The following CFAP92 variants were observed in gnomAD, a reference collection of about 807,000 sequenced individuals.
CFAP92 encodes the protein cilia and flagella associated protein 92 (putative), also known as uncharacterized protein CFAP92.
CFAP92 carries 86 observed loss-of-function variants against 106.3 expected under a neutral mutation model. The observed-to-expected ratio is 0.81, with a 90% CI of 0.68 to 0.97. CFAP92 has a LOEUF of 0.97. CFAP92 is among the 50% of genes least tolerant of loss of function. The pLI, the probability that CFAP92 is intolerant of heterozygous loss-of-function variation, is 0.00. For synonymous variants in CFAP92, 477 were observed against 506.4 expected (o/e 0.94, Z 0.78); for missense variants, 1,204 against 1,283.8 (o/e 0.94, Z 0.95).
intron 9 of CFAP92, among the ~76,000 whole-genome samples, chr3:128,959,085 C>A (rs562840417): frequency 6.6e-6 from 1 of 152,202 alleles, no homozygotes; most frequent in South Asian, 2.1e-4. Context: ...TGGCAAATGC[C>A]TGTAATCCCA....
intron 1 of CFAP92, chr3:129,002,319 C>A: frequency 6.6e-7 from 1 of 1,518,200 alleles, no homozygotes; most frequent in Non-Finnish European, 8.8e-7. Flanking sequence ...CTGCCTAGCA[C>A]TGCAGGTGCG....
chr3:128,945,149 T>C lies in CFAP92; in HGVS notation c.2180A>G (p.Asp727Gly). 1 of 1,536,098 alleles carries C rather than the reference T, an allele frequency of 6.5e-7. No homozygotes were observed. The highest frequency in any genetic ancestry group is 1.2e-5 in the South Asian group (1 of 84,058). The part of the protein sequence containing the change: ...LDVLTGFHLL[D>G]GKTHLFILEG... ...CAGGATGAAAAGGTGTGTCTTCCCG[T>C]CCAGCAGGTGGAAGCCAGTGAGCAC... The change falls in exon 10 of 16, where the codon GAC (aspartate) becomes GGC (glycine). Residue 727 changes from aspartate to glycine, a missense_variant. Transcript: ENST00000645291.
At chr3:128,982,249 C>T (rs143119837) in intron 4 of CFAP92, among the ~76,000 whole-genome samples, 1 of 152,234 alleles carries the variant, frequency 6.6e-6, no homozygotes. Flanking sequence ...GCAGCTTCTC[C>T]GTCAGCACTT....
intron 10 of CFAP92, among the ~76,000 whole-genome samples, chr3:128,935,935 T>C (rs989362200): frequency 3.3e-5 from 5 of 152,340 alleles, no homozygotes; most frequent in African/African-American, 1.2e-4. Flanking sequence ...AATATGATGA[T>C]GATGAATGCC....
At chr3:128,953,606 T>TCC (rs1941053088) in intron 9 of CFAP92, among the ~76,000 whole-genome samples, 3 of 48,110 alleles carry the variant, frequency 6.2e-5, no homozygotes, top group African/African-American at 2.1e-4. Context: ...CCTCCCCCTC[T>TCC]CCCTCTCCCT....
chr3:128,985,610 C>T (rs776269900), intron 4 of CFAP92, among the ~76,000 whole-genome samples: 2 of 152,190 alleles, frequency 1.3e-5, no homozygotes, highest in Non-Finnish European at 2.9e-5. Context: ...ACCTCAACAC[C>T]CTACTCCAGT....
At chr3:128,997,272 A>G (rs150564067), upstream of CFAP92, among the ~76,000 whole-genome samples, 1,373 of 152,312 alleles carry the variant, frequency 9.0e-3, 22 homozygotes, top group African/African-American at 0.031. Flanking sequence ...AATCAGCTAC[A>G]TACACCTTCT....
At chr3:128,920,746 C>T (rs1393259689) in intron 12 of CFAP92, among the ~76,000 whole-genome samples, 1 of 152,166 alleles carries the variant, frequency 6.6e-6, no homozygotes, top group African/African-American at 2.4e-5. Flanking sequence ...ACAATCTAAG[C>T]CCAGGGCACA....
intron 9 of CFAP92, among the ~76,000 whole-genome samples, chr3:128,948,197 T>C (rs138862689): frequency 2.8e-4 from 43 of 151,746 alleles, no homozygotes; most frequent in African/African-American, 9.9e-4. Context: ...TTATTATATA[T>C]ATATATTTAT....
chr3:128,987,646 T>G lies in CFAP92; in HGVS notation c.637A>C (p.Thr213Pro), dbSNP rs973569337. Residue 213 changes from threonine to proline, a missense_variant, in exon 4 of 16, where the codon ACA (threonine) becomes CCA (proline). Physicochemically the swap from Thr to Pro is conservative, Grantham distance 38. Transcript: ENST00000645291. ...RYYRLKTAGF[T>P]DDVGAFHKSE... ...TTATGAAAAGCTCCCACGTCGTCTGTGAAGCCGGCAGTCTTTAATCGGTAA... is the reference window on the plus strand; with the variant it reads ...TTATGAAAAGCTCCCACGTCGTCTGGGAAGCCGGCAGTCTTTAATCGGTAA... 6 of 1,613,956 alleles carry G rather than the reference T, an allele frequency of 3.7e-6. No homozygotes were observed. In the African/African-American group the frequency reaches 8.0e-5, roughly 22 times the overall value.
At chr3:128,910,953 G>A in intron 15 of CFAP92, 2 of 1,046,750 alleles carry the variant, frequency 1.9e-6, no homozygotes, top group Admixed American at 1.8e-5. Context: ...GGCCTGGGTA[G>A]GCCTGGGCTT....
intron 9 of CFAP92, among the ~76,000 whole-genome samples, chr3:128,956,218 A>T (rs1458451074): frequency 6.1e-4 from 55 of 90,148 alleles, no homozygotes; most frequent in Non-Finnish European, 8.0e-4. Flanking sequence ...AAAAAAATAA[A>T]AAAAAAAAAA....
upstream of CFAP92, chr3:129,003,769 T>C (rs1020617043): frequency 7.2e-7 from 1 of 1,392,556 alleles, no homozygotes; most frequent in Non-Finnish European, 9.3e-7. Context: ...ACTTACCCCC[T>C]GCCCCTGCTG....
At chr3:128,924,283 CA>C (rs1371497243) in intron 12 of CFAP92, among the ~76,000 whole-genome samples, 2 of 151,920 alleles carry the variant, frequency 1.3e-5, no homozygotes, top group African/African-American at 4.8e-5. Context: ...TGCCCTGCTG[CA>C]CCACAATCTA....
intron 1 of CFAP92, among the ~76,000 whole-genome samples, chr3:128,999,665 A>G (rs1195674402): frequency 6.6e-6 from 1 of 150,626 alleles, no homozygotes; most frequent in African/African-American, 2.5e-5. Context: ...CAGCCTCCCA[A>G]GTAACTGGGA....
intron 4 of CFAP92, among the ~76,000 whole-genome samples, chr3:128,985,380 AC>A (rs1304360369): frequency 6.6e-6 from 1 of 152,154 alleles, no homozygotes. Context: ...AGGAGGAATC[AC>A]TTGAGCCCAG....
intron 12 of CFAP92, among the ~76,000 whole-genome samples, chr3:128,928,702 G>A (rs1051650702): frequency 4.6e-5 from 7 of 152,126 alleles, no homozygotes; most frequent in South Asian, 2.1e-4. Flanking sequence ...GTAAGAGAAA[G>A]GATATGAAAT....
Position 128,993,322 on chromosome 3 carries a change from TGGCCGCC to T in CFAP92, c.-25_-19del. 6.2e-7 allele frequency: 1 copy of T among 1,605,484 alleles called. No homozygotes were observed. The highest frequency in any genetic ancestry group is 2.2e-5 in the East Asian group (1 of 44,560). ...AGCGACATGCTGCAGAGCGCACTGC[TGGCCGCC>T]GGCGCTCCTGGCAGGGAGAAAGTGA... On this transcript the variant is annotated 5_prime_UTR_variant, in exon 2 of 16. Coordinates refer to ENST00000645291, the MANE Select transcript of CFAP92 (RefSeq NM_001394090.1).
At chr3:129,012,072 T>C in the CFAP92 span, among the ~76,000 whole-genome samples, 2 of 152,194 alleles carry the variant, frequency 1.3e-5, no homozygotes, top group African/African-American at 4.8e-5. Context: ...ACAAAGGACA[T>C]GGGGTGGCCT....
Sources: allele counts gnomAD v4.1 joint callset (sites outside exome capture counted in the v4.1 genomes callset), GRCh38; gene constraint gnomAD v4.1.1; transcripts MANE v1.5; gene names NCBI Gene and HGNC (gene_info 2026-07-23, HGNC 2026-07-21).